MAPK13: variants seen among roughly 807,000 people sequenced by gnomAD.
MAPK13 encodes mitogen-activated protein kinase 13, also known as MAP kinase 13.
In MAPK13, 39 loss-of-function variants were observed where a neutral mutation model predicts 53.5. That is an observed-to-expected ratio of 0.73 (90% confidence interval 0.56 to 0.95). The LOEUF (loss-of-function observed/expected upper bound fraction) is 0.95. Among genes scored for constraint, MAPK13 ranks in the 40% least tolerant of loss-of-function variants. The pLI is 0.00. For synonymous variants in MAPK13, 179 were observed against 190.9 expected (o/e 0.94, Z 0.51); for missense variants, 460 against 471.8 (o/e 0.98, Z 0.23).
intron 3 of MAPK13, among the ~76,000 whole-genome samples, chr6:36,133,362 C>T (rs911442715): frequency 2.6e-5 from 4 of 152,070 alleles, no homozygotes; most frequent in African/African-American, 2.4e-5. Context: ...GGAAGCAGCT[C>T]GGAGGCAGAG....
Position 36,142,829 on chromosome 6 carries a change from A to G in MAPK13, c.*3456A>G, listed in dbSNP as rs1458052667. The stretch of plus-strand genomic sequence containing the variant: ...CCACAGAGTTTTCTCAAATCTGTGA[A>G]GTTTCTTCAAAAGGCGGTGGAGGTG... On this transcript the variant is annotated 3_prime_UTR_variant, in exon 12 of 12. Coordinates refer to ENST00000211287, the MANE Select transcript of MAPK13 (RefSeq NM_002754.5). This position sits in a 1 kb window ranked among gnomAD's most constrained non-coding sequence, Gnocchi z 4.4. The G allele has an allele frequency of 2.1e-5, 3 of 144,708 alleles. No homozygotes were observed. Among genetic ancestry groups the G allele is most frequent in the African/African-American group, 7.5e-5 (3 of 40,018 alleles). The allele number at this position is 144,708 out of a possible 1,614,324, so 9.0% of individuals were successfully genotyped here.
At chr6:36,138,255 G>A in intron 8 of MAPK13, 110 bp from the exon 9 acceptor site, 1 of 784,656 alleles carries the variant, frequency 1.3e-6, no homozygotes, top group Non-Finnish European at 2.2e-6. Flanking sequence ...CAGGGCTGGA[G>A]CCTGGATGAT....
chr6:36,139,629 G>GAGT lies in MAPK13; in HGVS notation c.*257_*259dup. 2.0e-6 allele frequency: 1 copy of GAGT among 492,950 alleles called. No individual in the cohort carries two copies. The highest frequency in any genetic ancestry group is 3.5e-5 in the Admixed American group (1 of 28,306). 30.5% of individuals were successfully genotyped at this position (492,950 alleles called of 1,614,324 possible). ...AGGTGGGGCCCTTTCCTTCCCGCCAGAGTGGGGCTGAGTGGGCGCTGAGCC... is the reference window on the plus strand; with the variant it reads ...AGGTGGGGCCCTTTCCTTCCCGCCAGAGTAGTGGGGCTGAGTGGGCGCTGAGCC... On this transcript the variant is annotated 3_prime_UTR_variant, in exon 12 of 12. Transcript: ENST00000211287.
Position 36,130,883 on chromosome 6 carries a change from T to C in MAPK13, c.119+182T>C, listed in dbSNP as rs951008106. On this transcript the variant is annotated intron_variant, in intron 1 of 11. Coordinates refer to ENST00000211287, the MANE Select transcript of MAPK13 (RefSeq NM_002754.5). This position sits in a 1 kb window ranked among gnomAD's most constrained non-coding sequence, Gnocchi z 4.5. ...TCTCACCGAGTGGCTGAGTGAGGTC[T>C]CTGGGGGTTGAGTTGGGACTGGGCC... is the stretch of plus-strand genomic sequence containing the variant. 2.9e-5 allele frequency: 15 copies of C among 514,064 alleles called. No homozygotes were observed. Among genetic ancestry groups the C allele is most frequent in the Non-Finnish European group, 4.1e-5 (12 of 290,864 alleles). 31.8% of individuals were successfully genotyped at this position (514,064 alleles called of 1,614,324 possible). A position where few individuals can be genotyped will look rare whatever the true frequency, so the allele number is the denominator to read the frequency against.
chr6:36,132,836 C>CT (rs1437638291), intron 3 of MAPK13, among the ~76,000 whole-genome samples, 157 bp downstream of exon 3: 3 of 152,190 alleles, frequency 2.0e-5, no homozygotes, highest in Non-Finnish European at 4.4e-5. Context: ...GTGATTCTCT[C>CT]TGGAAAGATG....
rs1040205024 is a variant in MAPK13, at chr6:36,141,791, G to C, written c.*2418G>C. Reference sequence around the variant, plus strand: ...AGGCTTGAGCACTGTACCCAGCTTGGATTCAAGGGTTGCCCAGCCTTCCCT... The same window carrying C: ...AGGCTTGAGCACTGTACCCAGCTTGCATTCAAGGGTTGCCCAGCCTTCCCT... On this transcript the variant is annotated 3_prime_UTR_variant, in exon 12 of 12. Coordinates refer to ENST00000211287, the MANE Select transcript of MAPK13 (RefSeq NM_002754.5). The C allele has an allele frequency of 2.0e-5, 3 of 152,250 alleles. No homozygotes were observed. The highest frequency in any genetic ancestry group is 4.4e-5 in the Non-Finnish European group (3 of 68,098). 9.4% of individuals were successfully genotyped at this position (152,250 alleles called of 1,614,324 possible).
intron 8 of MAPK13, 85 bp from the exon 9 acceptor site, chr6:36,138,280 C>A: frequency 1.0e-6 from 1 of 999,118 alleles, no homozygotes; most frequent in Non-Finnish European, 1.6e-6. Flanking sequence ...TGCCATGGTG[C>A]CCGGGTGAAG....
In MAPK13 at chr6:36,141,148, G is replaced by T. The variant is rs1439477083; in HGVS notation, c.*1775G>T. 6.6e-6 allele frequency: 1 copy of T among 152,090 alleles called. No homozygotes were observed. The highest frequency in any genetic ancestry group is 1.5e-5 in the Non-Finnish European group (1 of 68,034). The allele number at this position is 152,090 out of a possible 1,614,324, so 9.4% of individuals were successfully genotyped here. On this transcript the variant is annotated 3_prime_UTR_variant, in exon 12 of 12. Transcript: ENST00000211287. ...AAACTCTTCTGTATAATACTGTAAT[G>T]GTGGATACCTATTGTGCATTTGTTA...
chr6:36,138,840 C>T lies in MAPK13; in HGVS notation c.842-39C>T, dbSNP rs1184854916. ...AGCGTATCCCAGAGGGCGGGCTCTC[C>T]CAGCCCCTGGTGTGAGGCTCTTGGC... On this transcript the variant is annotated intron_variant, in intron 10 of 11. Coordinates refer to ENST00000211287, the MANE Select transcript of MAPK13 (RefSeq NM_002754.5). The T allele has an allele frequency of 2.5e-6, 4 of 1,612,824 alleles. No homozygotes were observed. In the Admixed American group the frequency reaches 6.7e-5, roughly 27 times the overall value.
In MAPK13 at chr6:36,139,662, G is replaced by A. The variant is rs985609853; in HGVS notation, c.*289G>A. The A allele has an allele frequency of 9.2e-6, 4 of 432,774 alleles. No individual in the cohort carries two copies. Among genetic ancestry groups the A allele is most frequent in the Non-Finnish European group, 1.7e-5 (4 of 236,926 alleles). The allele number at this position is 432,774 out of a possible 1,614,324, so 26.8% of individuals were successfully genotyped here. A position where few individuals can be genotyped will look rare whatever the true frequency, so the allele number is the denominator to read the frequency against. On this transcript the variant is annotated 3_prime_UTR_variant, in exon 12 of 12. Coordinates refer to ENST00000211287, the MANE Select transcript of MAPK13 (RefSeq NM_002754.5). ...CTGAGTGGGCGCTGAGCCAGGCCGG[G>A]GGCCTATGGCAGTGATGCTGTGTTG...
chr6:36,134,778 C>A lies in MAPK13; in HGVS notation c.309-975C>A, dbSNP rs190455169. Among the ~76,000 whole-genome samples, 62 of 152,124 alleles carry A rather than the reference C, an allele frequency of 4.1e-4. 1 individual carries two copies. In the East Asian group the frequency reaches 7.9e-3, roughly 19 times the overall value. ...CCTGTAATCCCAGCACTTTGGGAAG[C>A]CGAGGCAGGCAGATCACCTGAGGTC... On this transcript the variant is annotated intron_variant, in intron 3 of 11. Transcript: ENST00000211287.
intron 2 of MAPK13, 79 bp from the exon 3 acceptor site, chr6:36,132,542 T>A: frequency 7.6e-7 from 1 of 1,321,126 alleles, no homozygotes; most frequent in South Asian, 1.2e-5. Flanking sequence ...TGGATGGCCC[T>A]GTGCATGGCC....
In MAPK13 at chr6:36,136,692, G is replaced by A. The variant is rs866170089; in HGVS notation, c.532G>A (p.Glu178Lys). The A allele has an allele frequency of 8.7e-6, 14 of 1,614,030 alleles. No individual in the cohort carries two copies. In the Middle Eastern group the frequency reaches 4.9e-4, roughly 57 times the overall value. The change falls in exon 7 of 12, where the codon GAG becomes AAG. Residue 178 changes from glutamate to lysine, a missense_variant. Physicochemically the swap from Glu to Lys is moderately conservative, Grantham distance 56 (BLOSUM62 1). Transcript: ENST00000211287. ...TGGGCTGGCGCGACATGCAGACGCCGAGATGACTGGCTACGTGGTGACCCG... is the reference window on the plus strand; with the variant it reads ...TGGGCTGGCGCGACATGCAGACGCCAAGATGACTGGCTACGTGGTGACCCG... ...DFGLARHADA[E>K]MTGYVVTRWY...
At position 36,130,922 on chromosome 6, in the gene MAPK13, C is replaced by T; in HGVS notation, c.119+221C>T. 1.9e-6 allele frequency: 1 copy of T among 520,928 alleles called. No homozygotes were observed. The highest frequency in any genetic ancestry group is 3.4e-6 in the Non-Finnish European group (1 of 294,346). The allele number at this position is 520,928 out of a possible 1,614,324, so 32.3% of individuals were successfully genotyped here. On this transcript the variant is annotated intron_variant, in intron 1 of 11. Transcript: ENST00000211287. The surrounding 1 kb of genome is among the most constrained non-coding windows in gnomAD (Gnocchi z 4.5). Reference sequence around the variant, plus strand: ...TGGGACTGGGCCTGGTTCTCCAGGACTGTACACTTGCAAGACCCCAGAGTT... The same window carrying T: ...TGGGACTGGGCCTGGTTCTCCAGGATTGTACACTTGCAAGACCCCAGAGTT...
Position 36,130,727 on chromosome 6 carries a change from CG to C in MAPK13, c.119+32del. 3 of 476,496 alleles carry C rather than the reference CG, an allele frequency of 6.3e-6. No individual in the cohort carries two copies. The highest frequency in any genetic ancestry group is 1.0e-5 in the Non-Finnish European group (3 of 298,052). The allele number at this position is 476,496 out of a possible 1,614,324, so 29.5% of individuals were successfully genotyped here. A position where few individuals can be genotyped will look rare whatever the true frequency, so the allele number is the denominator to read the frequency against. On this transcript the variant is annotated intron_variant, in intron 1 of 11. Coordinates refer to ENST00000211287, the MANE Select transcript of MAPK13 (RefSeq NM_002754.5). This position sits in a 1 kb window ranked among gnomAD's most constrained non-coding sequence, Gnocchi z 4.5. ...GTGAGACCCCTGGGCCGCTGGGGGGCGGGGGGCGGGCGCCAGGCTCTCCCCT... is the reference window on the plus strand; with the variant it reads ...GTGAGACCCCTGGGCCGCTGGGGGGCGGGGGCGGGCGCCAGGCTCTCCCCT...
At chr6:36,131,025 AGAGT>A (rs1323980824) in intron 1 of MAPK13, 7 of 540,152 alleles carry the variant, frequency 1.3e-5, no homozygotes, top group Middle Eastern at 4.9e-4. Context: ...AGTTGCAGAC[AGAGT>A]GAGACTCCCG....
chr6:36,135,853 G>A lies in MAPK13; in HGVS notation c.409G>A (p.Gly137Ser). Residue 137 changes from glycine (G) to serine (S), a missense_variant, in exon 4 of 12, where the codon GGC becomes AGC. Coordinates refer to ENST00000211287, the MANE Select transcript of MAPK13 (RefSeq NM_002754.5). ...GTACCTGGTGTATCAGATGCTCAAA[G>A]GCCTTAAGGTGGGTGGGGACTTGGA... ...IQYLVYQMLKGLKYIHSAGVV... is the reference protein window; with the variant it reads ...IQYLVYQMLKSLKYIHSAGVV... 6.2e-7 allele frequency: 1 copy of A among 1,613,288 alleles called. No homozygotes were observed. Among genetic ancestry groups the A allele is most frequent in the Non-Finnish European group, 8.5e-7 (1 of 1,179,308 alleles).
Position 36,144,417 on chromosome 6 carries a change from ACT to A in MAPK13, c.*5047_*5048del, listed in dbSNP as rs1766592613. 2 of 152,040 alleles carry A rather than the reference ACT, an allele frequency of 1.3e-5. No homozygotes were observed. The highest frequency in any genetic ancestry group is 3.2e-3 in the Middle Eastern group (1 of 316). The allele number at this position is 152,040 out of a possible 1,614,324, so 9.4% of individuals were successfully genotyped here. On this transcript the variant is annotated 3_prime_UTR_variant, in exon 12 of 12. Transcript: ENST00000211287. ...GGCAAACTGTAAAGGGATATGAAAA[ACT>A]CTGTAATTTCTATTGGCACTGCTGA...
Position 36,139,335 on chromosome 6 carries a change from CG to C in MAPK13, c.1062del (p.Lys355ArgfsTer9). The C allele has an allele frequency of 6.2e-7, 1 of 1,614,148 alleles. No individual in the cohort carries two copies. Among genetic ancestry groups the C allele is most frequent in the Non-Finnish European group, 8.5e-7 (1 of 1,180,044 alleles). ...GATTGTGAACTTCAGCCCCATTGCC[CG>C]GAAGGACTCACGGCGCCGGAGTGGC... ...KEIVNFSPIA[R>X]KDSRRRSGMK... On this transcript the variant is annotated frameshift_variant, in exon 12 of 12. Transcript: ENST00000211287. LOFTEE classifies it high-confidence loss of function.
Sources: allele counts gnomAD v4.1 joint callset (sites outside exome capture counted in the v4.1 genomes callset), GRCh38; gene constraint gnomAD v4.1.1; non-coding constraint Gnocchi (gnomAD v3.1); transcripts MANE v1.5; gene names NCBI Gene and HGNC (gene_info 2026-07-23, HGNC 2026-07-21).